The following AAK1 variants were observed in gnomAD, a reference collection of about 807,000 sequenced individuals.
AAK1 encodes AP2-associated protein kinase 1.
A neutral mutation model predicts 116.0 loss-of-function variants in AAK1; 37 were observed. That is an observed-to-expected ratio of 0.32 (90% CI 0.25 to 0.42). The LOEUF is 0.42. Ranked by LOEUF, AAK1 falls within the 10% of genes least tolerant of loss-of-function variation. The pLI, the probability that AAK1 is intolerant of heterozygous loss-of-function variation, is 1.00. For missense variants in AAK1, 919 were observed against 1,170.6 expected (o/e 0.79, Z 3.14); for synonymous variants, 458 against 439.9 (o/e 1.04, Z -0.51).
chr2:69,508,150 C>G (rs985745273), intron 14 of AAK1, among the ~76,000 whole-genome samples: 3 of 152,178 alleles, frequency 2.0e-5, no homozygotes, highest in Non-Finnish European at 4.4e-5. Context: ...AGTTTTCAGT[C>G]TTATCTGCAA....
Position 69,465,969 on chromosome 2 carries a change from C to T in AAK1, c.*9900G>A, listed in dbSNP as rs201931021. 99 of 1,290,778 alleles carry T rather than the reference C, an allele frequency of 7.7e-5. No individual in the cohort carries two copies. The Middle Eastern group carries it at 1.1e-3, about 14-fold the overall frequency. The allele number at this position is 1,290,778 out of a possible 1,614,324, so 80.0% of individuals were successfully genotyped here. A position where few individuals can be genotyped will look rare whatever the true frequency, so the allele number is the denominator to read the frequency against. On this transcript the variant is annotated 3_prime_UTR_variant, in exon 22 of 22. Coordinates refer to ENST00000409085, the MANE Select transcript of AAK1 (RefSeq NM_014911.5). ...TTGGATAACTGTTAACTCCTCCATG[C>T]TTTTCTTCTTAGTGAAAGGAGCTCT...
chr2:69,538,866 A>G (rs950519101), intron 5 of AAK1, among the ~76,000 whole-genome samples: 1 of 152,152 alleles, frequency 6.6e-6, no homozygotes, highest in Admixed American at 6.5e-5. Context: ...TGGGCAAGAG[A>G]GCAAGACTTC....
At chr2:69,504,191 G>C (rs764249636) in intron 16 of AAK1, among the ~76,000 whole-genome samples, 1 of 151,648 alleles carries the variant, frequency 6.6e-6, no homozygotes, top group Non-Finnish European at 1.5e-5. Context: ...GAGCTCAGGA[G>C]TTCGAGACTA....
rs935575455 is a variant in AAK1 at position 69,484,902 on chromosome 2, A to T, written c.2366-2090T>A. Among the ~76,000 whole-genome samples the T allele has an allele frequency of 6.6e-5, 10 of 151,178 alleles. No homozygotes were observed. In the East Asian group the frequency reaches 1.2e-3, roughly 17 times the overall value. On this transcript the variant is annotated intron_variant, in intron 17 of 21. Transcript: ENST00000409085. ...AAATAATAATAATAAATAAAAACAT[A>T]AAAAAAAGGAAGGAAAAAAAAGGAA...
intron 15 of AAK1, among the ~76,000 whole-genome samples, chr2:69,507,214 T>C (rs1235114212): frequency 1.3e-5 from 2 of 152,198 alleles, no homozygotes; most frequent in African/African-American, 4.8e-5. Context: ...TAGATCAGGA[T>C]TTCCTGAAGA....
At chr2:69,585,893 A>G (rs567278993) in intron 2 of AAK1, among the ~76,000 whole-genome samples, 1 of 152,210 alleles carries the variant, frequency 6.6e-6, no homozygotes, top group South Asian at 2.1e-4. Flanking sequence ...TTCTCCCCCA[A>G]AGCTATTGAA....
intron 2 of AAK1, among the ~76,000 whole-genome samples, chr2:69,600,669 C>G (rs1673536673): frequency 6.6e-6 from 1 of 152,130 alleles, no homozygotes; most frequent in South Asian, 2.1e-4. Flanking sequence ...GAAATGACAA[C>G]AAAGGATTTA....
chr2:69,503,437 G>A (rs1676053426), intron 16 of AAK1, among the ~76,000 whole-genome samples: 1 of 152,182 alleles, frequency 6.6e-6, no homozygotes, highest in Non-Finnish European at 1.5e-5. Flanking sequence ...GTAAATACTG[G>A]AATAAAGTTA....
intron 2 of AAK1, among the ~76,000 whole-genome samples, chr2:69,558,693 G>A (rs1671497674): frequency 6.6e-6 from 1 of 152,220 alleles, no homozygotes; most frequent in Admixed American, 6.5e-5. Flanking sequence ...GAACACAGAG[G>A]TAAGTCTTCA....
Position 69,465,562 on chromosome 2 carries a change from T to C in AAK1, c.*10307A>G. 7.7e-7 allele frequency: 1 copy of C among 1,290,938 alleles called. No homozygotes were observed. Among genetic ancestry groups the C allele is most frequent in the Non-Finnish European group, 1.0e-6 (1 of 988,870 alleles). The allele number at this position is 1,290,938 out of a possible 1,614,324, so 80.0% of individuals were successfully genotyped here. A position where few individuals can be genotyped will look rare whatever the true frequency, so the allele number is the denominator to read the frequency against. On this transcript the variant is annotated 3_prime_UTR_variant, in exon 22 of 22. Transcript: ENST00000409085. ...GACTGCTTGTTGGTTTGTGAAACAA[T>C]TTTGTAGGCAGCAATGGGCTGGGCT...
At position 69,463,943 on chromosome 2, in the gene AAK1, A is replaced by G. The variant is rs1294782126; in HGVS notation, c.*11926T>C. On this transcript the variant is annotated 3_prime_UTR_variant, in exon 22 of 22. Transcript: ENST00000409085. ...TGGTATTACAGGTGTGTGGCACTGC[A>G]CCTGGCCAGCTTTATTTTAAGGCAC... 6.6e-6 allele frequency: 1 copy of G among 152,518 alleles called. No individual in the cohort carries two copies. The highest frequency in any genetic ancestry group is 2.4e-5 in the African/African-American group (1 of 41,404). 9.4% of individuals were successfully genotyped at this position (152,518 alleles called of 1,614,324 possible). A position where few individuals can be genotyped will look rare whatever the true frequency, so the allele number is the denominator to read the frequency against.
chr2:69,608,954 C>T (rs1330230058), intron 2 of AAK1, among the ~76,000 whole-genome samples: 2 of 152,148 alleles, frequency 1.3e-5, no homozygotes, highest in African/African-American at 4.8e-5. Context: ...TAAAACAATG[C>T]TGAAAGAAAT....
rs1674771269 is a variant in AAK1 at position 69,474,211 on chromosome 2, G to A, written c.*1658C>T. 3.0e-6 allele frequency: 3 copies of A among 985,698 alleles called. No homozygotes were observed. Among genetic ancestry groups the A allele is most frequent in the South Asian group, 4.7e-5 (1 of 21,286 alleles). 61.1% of individuals were successfully genotyped at this position (985,698 alleles called of 1,614,324 possible). On this transcript the variant is annotated 3_prime_UTR_variant, in exon 22 of 22. Transcript: ENST00000409085. ...TTTTTCCCCCATAAAGTGCAAATGT[G>A]AGGAAGAAGAAACAAAAGTACTAGA... is the stretch of plus-strand genomic sequence containing the variant.
chr2:69,642,786 C>A, intron 2 of AAK1, 92 bp downstream of exon 2: 3 of 1,558,694 alleles, frequency 1.9e-6, no homozygotes, highest in Non-Finnish European at 2.6e-6. Flanking sequence ...GTCAACTGGT[C>A]AAAGCCCATT....
intron 16 of AAK1, among the ~76,000 whole-genome samples, chr2:69,501,383 AT>A (rs772349047): frequency 0.014 from 2,140 of 147,794 alleles, 40 homozygotes; most frequent in African/African-American, 0.048. Flanking sequence ...ACAAAACCCC[AT>A]TTTTTTTTTT....
intron 2 of AAK1, among the ~76,000 whole-genome samples, chr2:69,601,020 G>A (rs1413411368): frequency 1.3e-5 from 2 of 152,074 alleles, no homozygotes; most frequent in Non-Finnish European, 2.9e-5. Context: ...TTTAAATTCA[G>A]GTATGTACAT....
At chr2:69,526,449 T>A (rs1670028010) in intron 9 of AAK1, among the ~76,000 whole-genome samples, 1 of 152,046 alleles carries the variant, frequency 6.6e-6, no homozygotes. Context: ...TTAAGAAAAA[T>A]AAATCACAAT....
rs78759490 is a variant in AAK1, at chr2:69,517,882, T to G, written c.1497+1072A>C. ...GGCTAATGTGTGTAATTCCGATGAT[T>G]TGGGAGGCTGAGGTGGGAGGATGGC... On this transcript the variant is annotated intron_variant, in intron 12 of 21. Coordinates refer to ENST00000409085, the MANE Select transcript of AAK1 (RefSeq NM_014911.5). 4.6e-3 allele frequency among the ~76,000 whole-genome samples: 699 copies of G among 151,968 alleles called. 3 individuals carry two copies. Among genetic ancestry groups the G allele is most frequent in the African/African-American group, 0.014 (580 of 41,468 alleles).
intron 2 of AAK1, among the ~76,000 whole-genome samples, chr2:69,574,600 G>C (rs1300320576): frequency 6.6e-6 from 1 of 150,776 alleles, no homozygotes; most frequent in Non-Finnish European, 1.5e-5. Context: ...AAATAAGAGA[G>C]AGAGAGAGAT....
Sources: gnomAD v4.1 joint callset for allele counts (sites outside exome capture counted in the v4.1 genomes callset) on GRCh38, gnomAD v4.1.1 for gene constraint, MANE v1.5 for transcripts, NCBI Gene and HGNC (gene_info 2026-07-23, HGNC 2026-07-21) for gene names.